CALM2: variants seen among roughly 807,000 people sequenced by gnomAD.
The protein encoded by CALM2 is calmodulin-2.
CALM2 carries 2 observed loss-of-function variants against 19.8 expected under a neutral mutation model. That is an observed-to-expected ratio of 0.10 (90% CI 0.04 to 0.32). CALM2 has a LOEUF of 0.32. Among genes scored for constraint, CALM2 ranks in the 10% least tolerant of loss-of-function variants. The probability of loss-of-function intolerance (pLI) is 1.00; values close to 1 mark genes in which losing one functional copy is unlikely to be tolerated. For synonymous variants in CALM2, 51 were observed against 52.1 expected (o/e 0.98, Z 0.09); for missense variants, 38 against 178.7 (o/e 0.21, Z 4.49).
intron 2 of CALM2, among the ~76,000 whole-genome samples, chr2:47,166,087 T>C (rs994825399): frequency 8.5e-5 from 13 of 152,228 alleles, no homozygotes; most frequent in African/African-American, 2.7e-4. Flanking sequence ...TTTATGAAGA[T>C]AGTATACAGT....
In CALM2 at chr2:47,162,440, G is replaced by A; in HGVS notation, c.179-48C>T. ...TCAAAGCTTTAGTGGAAACATATAA[G>A]CAAACAGCAAAGGTTTAGTGGAAAC... is the stretch of plus-strand genomic sequence containing the variant. On this transcript the variant is annotated intron_variant, in intron 3 of 5. Transcript: ENST00000272298. 4 of 1,606,160 alleles carry A rather than the reference G, an allele frequency of 2.5e-6. No individual in the cohort carries two copies. In the South Asian group the frequency reaches 4.4e-5, roughly 18 times the overall value.
intron 2 of CALM2, among the ~76,000 whole-genome samples, chr2:47,166,917 TC>T (rs11291625): frequency 0.038 from 5,758 of 152,248 alleles, 332 homozygotes; most frequent in African/African-American, 0.13. Context: ...ACTGAAACTT[TC>T]AGAAAAATCT....
In CALM2 at chr2:47,161,702, G is replaced by A. The variant is rs542095802; in HGVS notation, c.421+21C>T. On this transcript the variant is annotated intron_variant, in intron 5 of 5. Coordinates refer to ENST00000272298, the MANE Select transcript of CALM2 (RefSeq NM_001743.6). ...CTTAAAAATCAAAGTGAAGAATGAG[G>A]CGTGAGACTGAAACATTTACCTTCA... 4.5e-5 allele frequency: 72 copies of A among 1,600,692 alleles called. No homozygotes were observed. The South Asian group carries it at 7.2e-4, about 16-fold the overall frequency.
At chr2:47,176,735 A>G (rs1666886941), upstream of CALM2, 4 of 1,373,220 alleles carry the variant, frequency 2.9e-6, no homozygotes, top group Non-Finnish European at 2.8e-6. Flanking sequence ...CGAGCCGTTA[A>G]AAGGCCGGTG....
At chr2:47,176,263 G>A (rs963350227) in intron 1 of CALM2, 178 bp downstream of exon 1, 16 of 682,984 alleles carry the variant, frequency 2.3e-5, no homozygotes, top group Non-Finnish European at 3.5e-5. Context: ...AAGAGAATGG[G>A]GGTGGGGGAG....
chr2:47,166,839 C>T (rs777629793), intron 2 of CALM2, among the ~76,000 whole-genome samples: 1 of 152,236 alleles, frequency 6.6e-6, no homozygotes, highest in Admixed American at 6.5e-5. Flanking sequence ...CTGAATGCCA[C>T]AGAACAGCTA....
chr2:47,166,452 C>A (rs373538720), intron 2 of CALM2, among the ~76,000 whole-genome samples: 6 of 151,984 alleles, frequency 3.9e-5, no homozygotes, highest in African/African-American at 1.5e-4. Context: ...GTATAACTTT[C>A]GAGAAATTTA....
intron 1 of CALM2, chr2:47,172,151 G>A (rs971615293): frequency 1.6e-5 from 3 of 189,584 alleles, no homozygotes; most frequent in African/African-American, 4.7e-5. Context: ...TTTACCCAAG[G>A]AATAAGGTTT....
chr2:47,166,575 C>A (rs1482644577), intron 2 of CALM2, among the ~76,000 whole-genome samples: 1 of 152,144 alleles, frequency 6.6e-6, no homozygotes, highest in Non-Finnish European at 1.5e-5. Flanking sequence ...AATAACATTT[C>A]TTTTAAAGGT....
At chr2:47,161,405 T>C (rs1393336613) in intron 5 of CALM2, among the ~76,000 whole-genome samples, 1 of 152,204 alleles carries the variant, frequency 6.6e-6, no homozygotes, top group Non-Finnish European at 1.5e-5. Flanking sequence ...GCTTTCCACA[T>C]TGTTCCACAA....
intron 3 of CALM2, 47 bp downstream of exon 3, chr2:47,162,472 G>A: frequency 6.2e-7 from 1 of 1,611,626 alleles, no homozygotes. Flanking sequence ...AAACATCTAA[G>A]TATCACTTCT....
At chr2:47,160,850 CAAAAAAAAAAAAAAA>C in intron 5 of CALM2, 46 bp from the exon 6 acceptor site, 5 of 370,250 alleles carry the variant, frequency 1.4e-5, no homozygotes, top group Non-Finnish European at 2.2e-5. Flanking sequence ...AGCAAAAGAC[CAAAAAAAAAAAAAAA>C]AAAAAAAAAT....
chr2:47,170,701 C>G (rs1666637676), intron 2 of CALM2, 33 bp downstream of exon 2: 1 of 1,567,984 alleles, frequency 6.4e-7, no homozygotes, highest in South Asian at 1.1e-5. Flanking sequence ...TAATAAGAAT[C>G]TAATGGGTAC....
upstream of CALM2, chr2:47,176,782 G>C (rs1333681056): frequency 3.0e-6 from 3 of 985,356 alleles, no homozygotes; most frequent in African/African-American, 5.2e-5. Flanking sequence ...GCGGCGCGGA[G>C]GAGCATCGTG....
intron 1 of CALM2, chr2:47,173,323 T>C (rs2103850842): frequency 6.6e-6 from 1 of 152,290 alleles, no homozygotes; most frequent in South Asian, 2.1e-4. Flanking sequence ...AACATGTATG[T>C]TTATCTCAGT....
At chr2:47,176,916 G>A (rs555713794), upstream of CALM2, 3,998 of 985,414 alleles carry the variant, frequency 4.1e-3, 12 homozygotes, top group Non-Finnish European at 4.6e-3. Flanking sequence ...TTGCTGCTCG[G>A]GCCGCGCTGT....
At chr2:47,175,662 A>T (rs1369011837) in intron 1 of CALM2, among the ~76,000 whole-genome samples, 1 of 151,316 alleles carries the variant, frequency 6.6e-6, no homozygotes, top group Non-Finnish European at 1.5e-5. Flanking sequence ...CCAGAGGGGG[A>T]TGGGAAACCG....
chr2:47,165,885 G>A (rs911645322), intron 2 of CALM2, among the ~76,000 whole-genome samples: 11 of 152,136 alleles, frequency 7.2e-5, no homozygotes, highest in Admixed American at 3.3e-4. Flanking sequence ...AACAGGTCTC[G>A]AATTCTATCA....
At chr2:47,161,364 A>G (rs1458437901) in intron 5 of CALM2, among the ~76,000 whole-genome samples, 2 of 152,198 alleles carry the variant, frequency 1.3e-5, no homozygotes, top group Admixed American at 6.5e-5. Context: ...AAGTCACATT[A>G]ATTTCATTTT....
Sources: allele counts gnomAD v4.1 joint callset (sites outside exome capture counted in the v4.1 genomes callset), GRCh38; gene constraint gnomAD v4.1.1; transcripts MANE v1.5; gene names NCBI Gene and HGNC (gene_info 2026-07-23, HGNC 2026-07-21).